Variants in FHL2 observed in about 807,000 individuals in gnomAD.
The protein encoded by FHL2 is four and a half LIM domains 2, also known as four and a half LIM domains protein 2.
FHL2 carries 20 observed loss-of-function variants against 32.7 expected under a neutral mutation model. The observed-to-expected ratio is 0.61, with a 90% CI of 0.43 to 0.89. The LOEUF (loss-of-function observed/expected upper bound fraction) is 0.89. Among genes scored for constraint, FHL2 ranks in the 40% least tolerant of loss-of-function variants. The probability of loss-of-function intolerance (pLI) is 0.00; values close to 1 mark genes in which losing one functional copy is unlikely to be tolerated. For synonymous variants in FHL2, 123 were observed against 128.1 expected, an observed-to-expected ratio of 0.96 and a Z score of 0.27; for missense variants, 311 against 358.6, an observed-to-expected ratio of 0.87 and a Z score of 1.07.
At chr2:105,429,861 A>G (rs1394088274) in intron 1 of FHL2, among the ~76,000 whole-genome samples, 1 of 152,208 alleles carries the variant, frequency 6.6e-6, no homozygotes, top group Non-Finnish European at 1.5e-5. Context: ...AGTCAAGAGT[A>G]TGGGGTACTT....
At chr2:105,438,408 T>G (rs1191201063) in exon 1 of FHL2, 23 of 985,584 alleles carry the variant, frequency 2.3e-5, no homozygotes, top group Non-Finnish European at 2.7e-5. Flanking sequence ...CCTGTGGTTT[T>G]AGGGTTCTGT....
At chr2:105,367,503 T>C in intron 5 of FHL2, 67 bp downstream of exon 5, 1 of 1,487,282 alleles carries the variant, frequency 6.7e-7, no homozygotes, top group African/African-American at 1.4e-5. Context: ...GAAAGAGAAC[T>C]GACAGACATG....
At chr2:105,416,737 C>T (rs1013517241) in intron 1 of FHL2, among the ~76,000 whole-genome samples, 1 of 152,176 alleles carries the variant, frequency 6.6e-6, no homozygotes, top group African/African-American at 2.4e-5. Flanking sequence ...ATATCACCAT[C>T]CATCTAATCA....
At chr2:105,415,390 G>A (rs578111122) in intron 1 of FHL2, among the ~76,000 whole-genome samples, 20 of 152,318 alleles carry the variant, frequency 1.3e-4, no homozygotes, top group Admixed American at 7.8e-4. Context: ...GAGAATGGAG[G>A]GAGGGGGAAA....
intron 3 of FHL2, among the ~76,000 whole-genome samples, chr2:105,377,485 G>A (rs1047434747): frequency 2.0e-5 from 3 of 152,164 alleles, no homozygotes; most frequent in South Asian, 2.1e-4. Flanking sequence ...ACAAAAATTA[G>A]CCAGGCGTGG....
intron 5 of FHL2, among the ~76,000 whole-genome samples, chr2:105,366,191 CAG>C (rs1273249600): frequency 6.6e-6 from 1 of 150,420 alleles, no homozygotes. Context: ...GCCTGGGCGA[CAG>C]TGTGAGATTC....
intron 4 of FHL2, among the ~76,000 whole-genome samples, chr2:105,372,286 C>T (rs779262310): frequency 6.6e-6 from 1 of 151,940 alleles, no homozygotes; most frequent in African/African-American, 2.4e-5. Flanking sequence ...AGTGCAGTGG[C>T]GTGATCTCAG....
chr2:105,409,007 G>A (rs954659853), intron 1 of FHL2, among the ~76,000 whole-genome samples: 4 of 152,180 alleles, frequency 2.6e-5, no homozygotes, highest in Admixed American at 6.5e-5. Context: ...CTCTCTGTGG[G>A]TGCAAGAAAG....
intron 3 of FHL2, chr2:105,373,994 TA>T (rs1681287637): frequency 2.0e-6 from 1 of 503,790 alleles, no homozygotes; most frequent in Non-Finnish European, 3.6e-6. Context: ...GAGATGCTTC[TA>T]AAAAACAAAG....
intron 1 of FHL2, among the ~76,000 whole-genome samples, chr2:105,409,141 G>A (rs1437050334): frequency 6.6e-6 from 1 of 152,224 alleles, no homozygotes; most frequent in African/African-American, 2.4e-5. Context: ...GGGAGGAGCA[G>A]GCCCAGTGAG....
chr2:105,396,971 G>A (rs938313318), intron 1 of FHL2: 6 of 409,292 alleles, frequency 1.5e-5, no homozygotes, highest in East Asian at 8.1e-5. Context: ...ACTGGCCCTC[G>A]GCACAGGACA....
At chr2:105,381,482 G>T (rs1170750223) in intron 3 of FHL2, among the ~76,000 whole-genome samples, 2 of 152,126 alleles carry the variant, frequency 1.3e-5, no homozygotes, top group Admixed American at 1.3e-4. Context: ...GGGAGATTTG[G>T]TTCCGGGGTC....
At chr2:105,396,918 C>T (rs912998105) in intron 1 of FHL2, 20 of 507,908 alleles carry the variant, frequency 3.9e-5, no homozygotes, top group East Asian at 2.0e-4. Context: ...GACTCAGGCC[C>T]GGTGCTGACA....
chr2:105,422,395 CA>C (rs1380796698), intron 1 of FHL2, among the ~76,000 whole-genome samples: 3 of 152,072 alleles, frequency 2.0e-5, no homozygotes, highest in African/African-American at 7.2e-5. Context: ...TGGTGCTTCT[CA>C]GATAAGACAA....
At chr2:105,413,877 A>G (rs1558727095) in intron 1 of FHL2, among the ~76,000 whole-genome samples, 1 of 152,206 alleles carries the variant, frequency 6.6e-6, no homozygotes, top group Admixed American at 6.5e-5. Context: ...CAATTCTGCA[A>G]ACGATTCTCT....
At chr2:105,419,539 C>G (rs1684037408) in intron 1 of FHL2, among the ~76,000 whole-genome samples, 1 of 152,348 alleles carries the variant, frequency 6.6e-6, no homozygotes, top group East Asian at 1.9e-4. Flanking sequence ...TCACTGGAAA[C>G]AGAAAGTCAG....
At chr2:105,419,933 A>G (rs1684049302) in intron 1 of FHL2, among the ~76,000 whole-genome samples, 1 of 152,344 alleles carries the variant, frequency 6.6e-6, no homozygotes, top group Middle Eastern at 3.4e-3. Flanking sequence ...ATGACTGAAC[A>G]TGCATTGTCA....
Position 105,386,361 on chromosome 2 carries a change from C to T in FHL2, c.156G>A (p.Lys52=), listed in dbSNP as rs1318329940. The stretch of plus-strand genomic sequence containing the variant: ...ACCCGCAGAGGCCCGCAGCAGGTAC[C>T]TTGCAGTCACAGCCGATGGGCTTCC... ...ECGKPIGCDC[K]DLSYKDRHWH... The change falls in exon 3 of 7, where the codon AAG becomes AAA. Residue 52 remains lysine (K), a splice_region_variant and synonymous_variant. Coordinates refer to ENST00000530340, the MANE Select transcript of FHL2 (RefSeq NM_001318895.3). 6.2e-7 allele frequency: 1 copy of T among 1,613,640 alleles called. No individual in the cohort carries two copies. Among genetic ancestry groups the T allele is most frequent in the Non-Finnish European group, 8.5e-7 (1 of 1,179,930 alleles).
rs1683171512 is a variant in FHL2, at chr2:105,396,941, T to C, written c.-75-244A>G. ...CCCGGTGCTGACAAAGGAGGCTGCC[T>C]GAGTCACTGAGGCTGAGTAACTGGC... On this transcript the variant is annotated intron_variant, in intron 1 of 6. Transcript: ENST00000530340. 1.5e-5 allele frequency: 7 copies of C among 474,964 alleles called. No homozygotes were observed. The South Asian group carries it at 2.3e-4, about 15-fold the overall frequency. The allele number at this position is 474,964 out of a possible 1,614,324, so 29.4% of individuals were successfully genotyped here.
Sources: gnomAD v4.1 joint callset for allele counts (sites outside exome capture counted in the v4.1 genomes callset) on GRCh38, gnomAD v4.1.1 for gene constraint, MANE v1.5 for transcripts, NCBI Gene and HGNC (gene_info 2026-07-23, HGNC 2026-07-21) for gene names.